PREX1: variants seen among roughly 807,000 people sequenced by gnomAD.
The protein encoded by PREX1 is phosphatidylinositol-3,4,5-trisphosphate dependent Rac exchange factor 1.
A neutral mutation model predicts 198.3 loss-of-function variants in PREX1; 41 were observed. That is an observed-to-expected ratio of 0.21 (90% CI 0.16 to 0.27). The LOEUF is 0.27. Among genes scored for constraint, PREX1 ranks in the 10% least tolerant of loss-of-function variants. PREX1 has a pLI of 1.00. For missense variants in PREX1, 1,620 were observed against 2,200.7 expected, an observed-to-expected ratio of 0.74 and a Z score of 5.28; for synonymous variants, 843 against 887.2, an observed-to-expected ratio of 0.95 and a Z score of 0.89.
chr20:48,763,344 G>C (rs989089208), intron 1 of PREX1, among the ~76,000 whole-genome samples: 1 of 152,216 alleles, frequency 6.6e-6, no homozygotes, highest in Non-Finnish European at 1.5e-5. Flanking sequence ...GTGGTGGCTG[G>C]GAACAGGCCC....
intron 15 of PREX1, among the ~76,000 whole-genome samples, chr20:48,661,288 G>A (rs1023034501): frequency 2.5e-4 from 37 of 150,452 alleles, no homozygotes; most frequent in Admixed American, 2.1e-3. Flanking sequence ...GCATGGTGGC[G>A]CATGCCTGTA....
In PREX1 at chr20:48,688,843, G is replaced by C. The variant is rs781022436; in HGVS notation, c.1187-39C>G. ...CGGTCAGCACTGGAGAGAGCACCAG[G>C]CCCAGGGCAGGGGGGGTAGGGGGAG... is the stretch of plus-strand genomic sequence containing the variant. On this transcript the variant is annotated intron_variant, in intron 9 of 39. Coordinates refer to ENST00000371941, the MANE Select transcript of PREX1 (RefSeq NM_020820.4). The C allele has an allele frequency of 1.9e-6, 3 of 1,612,338 alleles. No homozygotes were observed. In the Admixed American group the frequency reaches 5.0e-5, roughly 27 times the overall value.
intron 21 of PREX1, 89 bp downstream of exon 21, chr20:48,652,497 G>T: frequency 6.8e-7 from 1 of 1,464,794 alleles, no homozygotes; most frequent in East Asian, 2.4e-5. Flanking sequence ...TGGGAGGAGG[G>T]GAGGGGAGGG....
At chr20:48,867,518 T>C in the PREX1 span, among the ~76,000 whole-genome samples, 1 of 152,238 alleles carries the variant, frequency 6.6e-6, no homozygotes, top group Non-Finnish European at 1.5e-5. Context: ...CTTTTGTTGG[T>C]CAAAGGAGTC....
chr20:48,701,547 C>T (rs1417660515), intron 6 of PREX1, among the ~76,000 whole-genome samples: 2 of 151,882 alleles, frequency 1.3e-5, no homozygotes, highest in African/African-American at 4.8e-5. Context: ...TTTTTTTCAC[C>T]TATTCCTTCC....
At chr20:48,650,340 G>C in intron 23 of PREX1, 134 bp from the exon 24 acceptor site, 4 of 875,616 alleles carry the variant, frequency 4.6e-6, no homozygotes, top group Admixed American at 5.1e-5. Flanking sequence ...AGCTCCAAAT[G>C]AGAAGGGGAA....
chr20:48,662,818 T>G (rs554703946), intron 15 of PREX1, among the ~76,000 whole-genome samples: 31 of 152,258 alleles, frequency 2.0e-4, no homozygotes, highest in African/African-American at 7.2e-4. Flanking sequence ...GCCCTGCAAT[T>G]TCTCTCCCTG....
the PREX1 span, among the ~76,000 whole-genome samples, chr20:48,850,553 CT>C: frequency 6.6e-6 from 1 of 152,088 alleles, no homozygotes; most frequent in Non-Finnish European, 1.5e-5. Context: ...GAGCTGCCAA[CT>C]GCTCTTCTGA....
At position 48,659,262 on chromosome 20, in the gene PREX1, A is replaced by AAGGG. The variant is rs143111463; in HGVS notation, c.1881+656_1881+657insCCCT. 3.4e-3 allele frequency among the ~76,000 whole-genome samples: 462 copies of AAGGG among 134,522 alleles called. 6 individuals are homozygous for AAGGG. The highest frequency in any genetic ancestry group is 5.0e-3 in the Non-Finnish European group (317 of 62,800). The allele number at this position is 134,522 out of a possible 152,430, so 88.3% of individuals were successfully genotyped here. On this transcript the variant is annotated intron_variant, in intron 16 of 39. Coordinates refer to ENST00000371941, the MANE Select transcript of PREX1 (RefSeq NM_020820.4). The stretch of plus-strand genomic sequence containing the variant: ...GAAGGAAGGAAGGAAGGAAGGAAGG[A>AAGGG]CGGGCACGAGAGAGAGAGAGAAAGA...
chr20:48,747,223 C>T (rs368044470), intron 2 of PREX1, among the ~76,000 whole-genome samples: 1 of 152,316 alleles, frequency 6.6e-6, no homozygotes, highest in African/African-American at 2.4e-5. Context: ...CCCTCAGAGC[C>T]CCGAGGCCTG....
At chr20:48,726,224 T>C (rs1399044130) in intron 5 of PREX1, 66 bp downstream of exon 5, 1 of 1,391,482 alleles carries the variant, frequency 7.2e-7, no homozygotes, top group African/African-American at 1.4e-5. Context: ...ATACTTGAAC[T>C]AACAAATTTT....
Position 48,689,278 on chromosome 20 carries a change from T to G in PREX1, c.1187-474A>C, listed in dbSNP as rs368033091. 5.3e-5 allele frequency among the ~76,000 whole-genome samples: 8 copies of G among 152,354 alleles called. No individual in the cohort carries two copies. The East Asian group carries it at 7.7e-4, about 15-fold the overall frequency. On this transcript the variant is annotated intron_variant, in intron 9 of 39. Transcript: ENST00000371941. ...TAATCTCTGCCCACATTTTTCTGTT[T>G]TGACCCCCATCTAATTTTGACAACA...
At chr20:48,692,593 T>C (rs958941522) in intron 8 of PREX1, 79 bp downstream of exon 8, 2 of 1,190,054 alleles carry the variant, frequency 1.7e-6, no homozygotes, top group Non-Finnish European at 2.4e-6. Context: ...GAAAAAAATA[T>C]ATTTAAATGA....
intron 1 of PREX1, among the ~76,000 whole-genome samples, chr20:48,759,264 G>A (rs2090168190): frequency 6.6e-6 from 1 of 151,988 alleles, no homozygotes; most frequent in Non-Finnish European, 1.5e-5. Flanking sequence ...AAATACTGCA[G>A]GCAGGCCAGG....
chr20:48,672,127 C>T (rs1291155509), intron 14 of PREX1, among the ~76,000 whole-genome samples: 1 of 152,240 alleles, frequency 6.6e-6, no homozygotes, highest in African/African-American at 2.4e-5. Context: ...GTGGCTTTTA[C>T]TGGTTCCTCC....
chr20:48,749,741 C>A (rs933798781), intron 1 of PREX1, among the ~76,000 whole-genome samples: 1 of 152,184 alleles, frequency 6.6e-6, no homozygotes, highest in Non-Finnish European at 1.5e-5. Context: ...AGTGCAGAGC[C>A]ATCTCAGCCA....
the PREX1 span, among the ~76,000 whole-genome samples, chr20:48,838,609 A>G: frequency 6.6e-6 from 1 of 152,252 alleles, no homozygotes; most frequent in Non-Finnish European, 1.5e-5. Flanking sequence ...CATGATACAT[A>G]GATGAATGGG....
At chr20:48,876,004 C>T in the PREX1 span, among the ~76,000 whole-genome samples, 1 of 152,100 alleles carries the variant, frequency 6.6e-6, no homozygotes. Context: ...GACATGGGAA[C>T]GAGGGAGTGG....
At chr20:48,704,263 C>T (rs894871833) in intron 6 of PREX1, among the ~76,000 whole-genome samples, 3 of 152,168 alleles carry the variant, frequency 2.0e-5, no homozygotes, top group Non-Finnish European at 2.9e-5. Context: ...GGCCGCTCTT[C>T]GAAGACAACC....
Sources: gnomAD v4.1 joint callset for allele counts (sites outside exome capture counted in the v4.1 genomes callset) on GRCh38, gnomAD v4.1.1 for gene constraint, MANE v1.5 for transcripts, NCBI Gene and HGNC (gene_info 2026-07-23, HGNC 2026-07-21) for gene names.